Variants in ANKIB1 observed in about 807,000 individuals in gnomAD.
ANKIB1 encodes ankyrin repeat and IBR domain-containing protein 1.
A neutral mutation model predicts 122.1 loss-of-function variants in ANKIB1; 43 were observed. The observed-to-expected ratio is 0.35, with a 90% CI of 0.28 to 0.45. ANKIB1 has a LOEUF of 0.45. Among genes scored for constraint, ANKIB1 ranks in the 20% least tolerant of loss-of-function variants. The pLI, the probability that ANKIB1 is intolerant of heterozygous loss-of-function variation, is 1.00. For synonymous variants in ANKIB1, 390 were observed against 442.0 expected (o/e 0.88, Z 1.48); for missense variants, 992 against 1,329.5 (o/e 0.75, Z 3.95).
chr7:92,323,942 TGG>T (rs1802968862), intron 4 of ANKIB1, among the ~76,000 whole-genome samples: 1 of 152,248 alleles, frequency 6.6e-6, no homozygotes, highest in Non-Finnish European at 1.5e-5. Context: ...TTGCCTTAGC[TGG>T]CTACCTGGTT....
At chr7:92,379,398 A>G (rs761612666) in intron 11 of ANKIB1, among the ~76,000 whole-genome samples, 1 of 152,212 alleles carries the variant, frequency 6.6e-6, no homozygotes, top group Non-Finnish European at 1.5e-5. Flanking sequence ...TCTAAAAAAA[A>G]CTAATTCAGA....
At chr7:92,329,568 A>G (rs536877892) in intron 5 of ANKIB1, among the ~76,000 whole-genome samples, 15 of 152,322 alleles carry the variant, frequency 9.8e-5, no homozygotes, top group African/African-American at 3.4e-4. Context: ...TCTGACTTTA[A>G]TCAAGTATTC....
intron 5 of ANKIB1, among the ~76,000 whole-genome samples, chr7:92,340,477 A>T (rs1803414089): frequency 1.3e-5 from 2 of 152,204 alleles, no homozygotes; most frequent in African/African-American, 4.8e-5. Flanking sequence ...AGGATATATA[A>T]TTCATTAAAT....
chr7:92,332,416 T>G (rs1401944911), intron 5 of ANKIB1, among the ~76,000 whole-genome samples: 2 of 152,220 alleles, frequency 1.3e-5, no homozygotes, highest in Non-Finnish European at 2.9e-5. Context: ...TACTGTGTTA[T>G]CAAATATAAT....
chr7:92,288,777 A>G (rs1179413470), intron 1 of ANKIB1, among the ~76,000 whole-genome samples: 19 of 152,196 alleles, frequency 1.2e-4, no homozygotes, highest in Admixed American at 1.2e-3. Context: ...GACATCATTC[A>G]TCATTAGGGA....
intron 1 of ANKIB1, among the ~76,000 whole-genome samples, chr7:92,292,944 A>T (rs1218064357): frequency 6.6e-6 from 1 of 152,208 alleles, no homozygotes; most frequent in Non-Finnish European, 1.5e-5. Flanking sequence ...GCTCTACTGT[A>T]TGTATGTATT....
At chr7:92,311,158 G>C (rs1802684002) in intron 3 of ANKIB1, among the ~76,000 whole-genome samples, 1 of 151,984 alleles carries the variant, frequency 6.6e-6, no homozygotes. Context: ...TGTTTATAGT[G>C]CTCATTGGTA....
At position 92,294,790 on chromosome 7, in the gene ANKIB1, C is replaced by T. The variant is rs1334284540; in HGVS notation, c.-90-99C>T. 4.9e-5 allele frequency: 24 copies of T among 493,110 alleles called. 1 individual carries two copies. The East Asian group carries it at 5.9e-4, about 12-fold the overall frequency. 30.5% of individuals were successfully genotyped at this position (493,110 alleles called of 1,614,324 possible). A position where few individuals can be genotyped will look rare whatever the true frequency, so the allele number is the denominator to read the frequency against. On this transcript the variant is annotated intron_variant, in intron 1 of 19. Coordinates refer to ENST00000265742, the MANE Select transcript of ANKIB1 (RefSeq NM_019004.2). The stretch of plus-strand genomic sequence containing the variant: ...AATGTAATATAGTTGGTTCCCTTAT[C>T]GATGATTCCCAGATTTTTTTTAGTG...
At chr7:92,372,910 A>G (rs887297797) in intron 11 of ANKIB1, among the ~76,000 whole-genome samples, 2 of 152,104 alleles carry the variant, frequency 1.3e-5, no homozygotes, top group African/African-American at 2.4e-5. Context: ...AGTTTAGGAC[A>G]TGAAGGAAAT....
chr7:92,282,355 C>T (rs1192200496), intron 1 of ANKIB1, among the ~76,000 whole-genome samples: 2 of 151,980 alleles, frequency 1.3e-5, no homozygotes, highest in Admixed American at 1.3e-4. Context: ...GGGTTTCACC[C>T]TGTTGCCCAG....
chr7:92,312,011 A>G (rs1322947496), intron 3 of ANKIB1, among the ~76,000 whole-genome samples: 1 of 152,138 alleles, frequency 6.6e-6, no homozygotes, highest in Non-Finnish European at 1.5e-5. Flanking sequence ...TCTAGATTCT[A>G]TTAATGATGC....
chr7:92,343,427 A>T (rs913728840), intron 6 of ANKIB1, among the ~76,000 whole-genome samples, 195 bp downstream of exon 6: 1 of 152,152 alleles, frequency 6.6e-6, no homozygotes, highest in African/African-American at 2.4e-5. Context: ...TCTCTGAATT[A>T]TAGATTGAAA....
rs34091044 is a variant in ANKIB1, at chr7:92,298,768, T to TAAA, written c.188+3620_188+3622dup. Reference sequence around the variant, plus strand: ...TTCATCACTGTTAGGCACTTGCAGTTAAAAAAAAAAAAAAAAAAAAGCAGT... The same window carrying TAAA: ...TTCATCACTGTTAGGCACTTGCAGTTAAAAAAAAAAAAAAAAAAAAAAAGCAGT... On this transcript the variant is annotated intron_variant, in intron 2 of 19. Transcript: ENST00000265742. Among the ~76,000 whole-genome samples, 238 of 117,552 alleles carry TAAA rather than the reference T, an allele frequency of 2.0e-3. 1 individual carries two copies. Among genetic ancestry groups the TAAA allele is most frequent in the African/African-American group, 6.8e-3 (217 of 31,738 alleles). The allele number at this position is 117,552 out of a possible 152,430, so 77.1% of individuals were successfully genotyped here.
At chr7:92,388,172 T>C in intron 14 of ANKIB1, 131 bp downstream of exon 14, 1 of 890,042 alleles carries the variant, frequency 1.1e-6, no homozygotes, top group Non-Finnish European at 1.7e-6. Flanking sequence ...TTTGAGTTCT[T>C]TGAAGCCCTG....
chr7:92,305,228 T>A (rs1176918996), intron 2 of ANKIB1, among the ~76,000 whole-genome samples: 1 of 152,204 alleles, frequency 6.6e-6, no homozygotes, highest in African/African-American at 2.4e-5. Context: ...TGTTAGGAGC[T>A]ATTATGTAAC....
intron 1 of ANKIB1, among the ~76,000 whole-genome samples, chr7:92,291,519 TTAAG>T (rs1033271217): frequency 1.3e-4 from 20 of 151,908 alleles, no homozygotes; most frequent in African/African-American, 4.6e-4. Context: ...TAATCAGAAA[TTAAG>T]TAAAGCTTTC....
chr7:92,371,952 T>G (rs371303098), intron 11 of ANKIB1, among the ~76,000 whole-genome samples: 49 of 4,124 alleles, frequency 0.012, no homozygotes, highest in Admixed American at 0.049. Context: ...GAGAGAGGGG[T>G]GTGTGTGTGT....
At chr7:92,273,795 CAG>C (rs1801845688) in intron 1 of ANKIB1, among the ~76,000 whole-genome samples, 1 of 148,016 alleles carries the variant, frequency 6.8e-6, no homozygotes, top group South Asian at 2.1e-4. Flanking sequence ...TTTTTTGAGA[CAG>C]GGAATCACTC....
chr7:92,299,120 A>G (rs1011531091), intron 2 of ANKIB1, among the ~76,000 whole-genome samples: 1 of 152,204 alleles, frequency 6.6e-6, no homozygotes, highest in Non-Finnish European at 1.5e-5. Context: ...ACTGCCAGTT[A>G]TTTGTTGCTA....
Sources: gnomAD v4.1 joint callset for allele counts (sites outside exome capture counted in the v4.1 genomes callset) on GRCh38, gnomAD v4.1.1 for gene constraint, MANE v1.5 for transcripts, NCBI Gene and HGNC (gene_info 2026-07-23, HGNC 2026-07-21) for gene names.